The following RUFY3 variants were observed in gnomAD, a reference collection of about 807,000 sequenced individuals.
The protein encoded by RUFY3 is protein RUFY3.
Under a neutral mutation model 84.0 loss-of-function variants are expected in RUFY3, and 34 were observed. That is an observed-to-expected ratio of 0.40 (90% CI 0.31 to 0.54). The LOEUF is 0.54. RUFY3 is among the 20% of genes least tolerant of loss of function. The pLI is 0.39. For synonymous variants in RUFY3, 242 were observed against 252.9 expected (o/e 0.96, Z 0.41); for missense variants, 507 against 736.8 (o/e 0.69, Z 3.61).
chr4:70,783,024 C>T, intron 8 of RUFY3, 67 bp from the exon 9 acceptor site: 6 of 913,172 alleles, frequency 6.6e-6, no homozygotes, highest in South Asian at 3.4e-5. Context: ...CCTAGCAGAT[C>T]GTGAATTATC....
intron 14 of RUFY3, chr4:70,799,399 G>T (rs905703536): frequency 6.6e-6 from 1 of 152,142 alleles, no homozygotes; most frequent in Admixed American, 6.6e-5. Context: ...AATTAGCTGG[G>T]CATGGTGGCG....
At chr4:70,741,739 C>A in intron 1 of RUFY3, 4 of 1,273,930 alleles carry the variant, frequency 3.1e-6, no homozygotes, top group Non-Finnish European at 4.2e-6. Flanking sequence ...ATTTTCTAAC[C>A]ACCTTTTAAT....
chr4:70,716,280 G>A (rs1560439403), intron 1 of RUFY3, among the ~76,000 whole-genome samples: 1 of 151,846 alleles, frequency 6.6e-6, no homozygotes, highest in Non-Finnish European at 1.5e-5. Flanking sequence ...TGAGTAGCTG[G>A]GATTACAGGC....
At chr4:70,716,106 T>C (rs1296477810) in intron 1 of RUFY3, among the ~76,000 whole-genome samples, 1 of 151,384 alleles carries the variant, frequency 6.6e-6, no homozygotes, top group Non-Finnish European at 1.5e-5. Context: ...AGAGTGAGAC[T>C]CCATCTCAAA....
intron 1 of RUFY3, among the ~76,000 whole-genome samples, chr4:70,706,074 TTACTG>T (rs1208746298): frequency 6.6e-6 from 1 of 152,196 alleles, no homozygotes; most frequent in Non-Finnish European, 1.5e-5. Flanking sequence ...AGTGAACTGT[TTACTG>T]TGCTGGCAAA....
At chr4:70,797,055 C>T (rs545094769) in intron 14 of RUFY3, among the ~76,000 whole-genome samples, 67 of 152,008 alleles carry the variant, frequency 4.4e-4, no homozygotes, top group African/African-American at 1.6e-3. Context: ...ATCCTCCTGC[C>T]TCAGCCTCCT....
chr4:70,783,975 A>G (rs892636820), intron 9 of RUFY3, among the ~76,000 whole-genome samples: 3 of 152,144 alleles, frequency 2.0e-5, no homozygotes, highest in Admixed American at 6.6e-5. Context: ...TCAAATCCAT[A>G]GTTATTAAAA....
intron 8 of RUFY3, among the ~76,000 whole-genome samples, chr4:70,780,894 G>T (rs1681975455): frequency 6.6e-6 from 1 of 151,978 alleles, no homozygotes; most frequent in Admixed American, 6.6e-5. Context: ...AAGAAAATAT[G>T]CTCTAAGAGA....
At chr4:70,736,532 T>G (rs953417540) in intron 1 of RUFY3, among the ~76,000 whole-genome samples, 2 of 152,120 alleles carry the variant, frequency 1.3e-5, no homozygotes, top group Non-Finnish European at 2.9e-5. Flanking sequence ...GTCATTTTGT[T>G]TAATGTCTTC....
upstream of RUFY3, chr4:70,704,767 T>C: frequency 5.0e-6 from 2 of 402,518 alleles, no homozygotes; most frequent in Non-Finnish European, 8.1e-6. Context: ...CGGGGCGGGC[T>C]GTGGGCCGAG....
At chr4:70,735,751 T>G (rs1013193912) in intron 1 of RUFY3, among the ~76,000 whole-genome samples, 1 of 150,972 alleles carries the variant, frequency 6.6e-6, no homozygotes, top group African/African-American at 2.4e-5. Context: ...CTTTCAGAGG[T>G]CGAGGCGGGT....
At chr4:70,773,720 A>G in intron 6 of RUFY3, 148 bp downstream of exon 6, 1 of 592,322 alleles carries the variant, frequency 1.7e-6, no homozygotes, top group Middle Eastern at 4.4e-4. Flanking sequence ...TGCCAGAAAT[A>G]TCTGACTATT....
intron 5 of RUFY3, among the ~76,000 whole-genome samples, chr4:70,769,767 G>A (rs947280108): frequency 1.3e-5 from 2 of 152,154 alleles, no homozygotes; most frequent in African/African-American, 4.8e-5. Flanking sequence ...AGTAAACCAT[G>A]CTGTAAACAG....
intron 1 of RUFY3, among the ~76,000 whole-genome samples, chr4:70,748,288 T>G (rs1381912771): frequency 6.6e-6 from 1 of 152,176 alleles, no homozygotes. Flanking sequence ...AAGAACTCCC[T>G]CTTCCACTCT....
At position 70,794,807 on chromosome 4, in the gene RUFY3, G is replaced by A; in HGVS notation, c.1470G>A (p.Glu490=). The change falls in exon 14 of 18, where the codon GAG becomes GAA. Residue 490 remains glutamate, a synonymous_variant. Transcript: ENST00000381006. ...EELTRQRNQL[E]LELKQEKERR... is the part of the protein sequence containing the mutation. ...CAACTTACCTCAGGAACCAGCTTGA[G>A]TTAGAACTAAAACAGGAAAAAGAAA... 6.2e-7 allele frequency: 1 copy of A among 1,609,180 alleles called. No homozygotes were observed. Among genetic ancestry groups the A allele is most frequent in the Admixed American group, 1.7e-5 (1 of 59,808 alleles).
chr4:70,771,379 A>G (rs1448101744), intron 5 of RUFY3, among the ~76,000 whole-genome samples: 1 of 152,152 alleles, frequency 6.6e-6, no homozygotes, highest in Non-Finnish European at 1.5e-5. Context: ...GGCATTCCAC[A>G]TGGTAGAAAC....
chr4:70,705,104 G>A, exon 1 of RUFY3: 1 of 1,417,350 alleles, frequency 7.1e-7, no homozygotes, highest in African/African-American at 1.5e-5. Context: ...GGCAGTCGGA[G>A]CCCGACTCGC....
At position 70,788,783 on chromosome 4, in the gene RUFY3, A is replaced by G. The variant is rs534165771; in HGVS notation, c.1072-23A>G. 5.0e-6 allele frequency: 8 copies of G among 1,612,448 alleles called. No homozygotes were observed. The East Asian group carries it at 8.9e-5, about 18-fold the overall frequency. On this transcript the variant is annotated intron_variant, in intron 10 of 17. Transcript: ENST00000381006. ...TTAGTTGAAGGAACAGAGTGTAAGC[A>G]ATTTACTTACCTTTGGGGGCAGGAT...
rs548398450 is a variant in RUFY3 at position 70,745,564 on chromosome 4, C to T, written c.179-16955C>T. On this transcript the variant is annotated intron_variant, in intron 1 of 17. Coordinates refer to ENST00000381006, the MANE Select transcript of RUFY3 (RefSeq NM_001037442.4). ...ATTTGCAGTGGCCCAGATTACTGCC[C>T]GTCTCTCTGAGGATTAAAATAGTCA... 4.9e-4 allele frequency among the ~76,000 whole-genome samples: 75 copies of T among 152,176 alleles called. 1 individual carries two copies. Among genetic ancestry groups the T allele is most frequent in the Admixed American group, 2.4e-3 (36 of 15,282 alleles).
Sources: allele counts gnomAD v4.1 joint callset (sites outside exome capture counted in the v4.1 genomes callset), GRCh38; gene constraint gnomAD v4.1.1; transcripts MANE v1.5; gene names NCBI Gene and HGNC (gene_info 2026-07-23, HGNC 2026-07-21).